Variants in PKD1L1 observed in about 807,000 individuals in gnomAD.
The protein encoded by PKD1L1 is polycystin 1 like 1, transient receptor potential channel interacting.
PKD1L1 carries 236 observed loss-of-function variants against 323.4 expected under a neutral mutation model. That is an observed-to-expected ratio of 0.73 (90% CI 0.66 to 0.81). The LOEUF (loss-of-function observed/expected upper bound fraction) is 0.81, where lower values mean the gene tolerates loss of function less well. PKD1L1 is among the 40% of genes least tolerant of loss of function. PKD1L1 has a pLI of 0.00. For synonymous variants in PKD1L1, 1,344 were observed against 1,335.0 expected (o/e 1.01, Z -0.15); for missense variants, 3,320 against 3,508.0 (o/e 0.95, Z 1.35).
chr7:47,956,591 A>C, the PKD1L1 span, among the ~76,000 whole-genome samples: 2 of 152,236 alleles, frequency 1.3e-5, no homozygotes, highest in African/African-American at 2.4e-5. Context: ...AGACAAAGCC[A>C]GATTGCAAAG....
intron 7 of PKD1L1, among the ~76,000 whole-genome samples, chr7:47,925,172 G>T (rs1254567460): frequency 2.0e-5 from 3 of 151,992 alleles, no homozygotes; most frequent in Non-Finnish European, 2.9e-5. Flanking sequence ...ATACAATAGT[G>T]CAAAAAATAA....
intron 46 of PKD1L1, among the ~76,000 whole-genome samples, chr7:47,820,070 GC>G (rs936075442): frequency 6.6e-6 from 1 of 152,148 alleles, no homozygotes; most frequent in Non-Finnish European, 1.5e-5. Context: ...TTCATATCAT[GC>G]ACTTTATAAT....
intron 45 of PKD1L1, among the ~76,000 whole-genome samples, chr7:47,821,921 T>G (rs960401175): frequency 1.3e-5 from 2 of 152,002 alleles, no homozygotes; most frequent in Non-Finnish European, 2.9e-5. Context: ...ACTCTTGATA[T>G]CAGGTGATCC....
intron 7 of PKD1L1, among the ~76,000 whole-genome samples, chr7:47,918,112 G>A (rs1246131154): frequency 3.3e-5 from 5 of 151,990 alleles, no homozygotes; most frequent in African/African-American, 7.2e-5. Context: ...ATAAGGACTC[G>A]CACAGACTTA....
chr7:47,813,807 C>A, intron 48 of PKD1L1, 124 bp downstream of exon 48: 1 of 828,250 alleles, frequency 1.2e-6, no homozygotes, highest in Non-Finnish European at 2.0e-6. Context: ...CCGGCACTGA[C>A]AATTCCAATT....
chr7:47,955,836 T>C, the PKD1L1 span, among the ~76,000 whole-genome samples: 4 of 152,226 alleles, frequency 2.6e-5, no homozygotes, highest in African/African-American at 7.2e-5. Flanking sequence ...ACTGTCCCAA[T>C]GGGGCTAATT....
intron 9 of PKD1L1, among the ~76,000 whole-genome samples, chr7:47,906,749 G>T (rs1787214512): frequency 6.6e-6 from 1 of 152,038 alleles, no homozygotes; most frequent in Non-Finnish European, 1.5e-5. Flanking sequence ...AAAGCAGAAT[G>T]GGTATTCTGT....
At position 47,948,388 on chromosome 7, in the gene PKD1L1, A is replaced by C. The variant is rs142601530; in HGVS notation, c.44+9T>G. ...CTTACCAAACCCTCTGAGAACAGTG[A>C]TAACTCACCTTTCCTGGTCATCAGA... On this transcript the variant is annotated intron_variant, in intron 1 of 56. Transcript: ENST00000289672. The C allele has an allele frequency of 1.4e-3, 2,282 of 1,614,126 alleles. 36 individuals carry two copies. The African/African-American group carries it at 0.026, about 18-fold the overall frequency.
At chr7:47,842,263 A>G (rs1785577659) in intron 34 of PKD1L1, among the ~76,000 whole-genome samples, 1 of 152,304 alleles carries the variant, frequency 6.6e-6, no homozygotes, top group South Asian at 2.1e-4. Flanking sequence ...AGCTTTAAAA[A>G]TGTGTTGTGT....
the PKD1L1 span, among the ~76,000 whole-genome samples, chr7:47,959,550 C>T: frequency 4.1e-5 from 6 of 146,818 alleles, no homozygotes; most frequent in South Asian, 4.4e-4. Flanking sequence ...TCTGCCCAGC[C>T]GCCCCGTCTG....
intron 53 of PKD1L1, among the ~76,000 whole-genome samples, 184 bp from the exon 54 acceptor site, chr7:47,801,063 C>T (rs1189681065): frequency 6.6e-6 from 1 of 152,062 alleles, no homozygotes. Flanking sequence ...ATCTCCCAGG[C>T]CTCCCTCCTC....
chr7:47,960,179 G>C, the PKD1L1 span, among the ~76,000 whole-genome samples: 17 of 149,128 alleles, frequency 1.1e-4, no homozygotes, highest in African/African-American at 2.7e-4. Flanking sequence ...CAGCATGCTC[G>C]TTAAGAGTCA....
At chr7:47,943,164 ATATAT>A (rs147428159) in intron 2 of PKD1L1, among the ~76,000 whole-genome samples, 1,743 of 25,594 alleles carry the variant, frequency 0.068, 26 homozygotes, top group Middle Eastern at 0.16. Flanking sequence ...AAAAAAAAAA[ATATAT>A]ATATATATAT....
At chr7:47,895,057 A>G (rs1324549416) in intron 14 of PKD1L1, among the ~76,000 whole-genome samples, 3 of 152,140 alleles carry the variant, frequency 2.0e-5, no homozygotes, top group Admixed American at 6.5e-5. Context: ...CTGTTTGCTC[A>G]GCCTCTCCAG....
chr7:47,855,055 A>C lies in PKD1L1; in HGVS notation c.4702-16T>G, dbSNP rs749477605. 3.7e-6 allele frequency: 6 copies of C among 1,608,818 alleles called. No individual in the cohort carries two copies. The highest frequency in any genetic ancestry group is 4.2e-6 in the Non-Finnish European group (5 of 1,177,310). On this transcript the variant is annotated splice_polypyrimidine_tract_variant and intron_variant, in intron 29 of 56. Coordinates refer to ENST00000289672, the MANE Select transcript of PKD1L1 (RefSeq NM_138295.5). The stretch of plus-strand genomic sequence containing the variant: ...TCCTATTATCCTGTCATCACAAAGA[A>C]AACAAGTTAAGCAAAATTTGCCTTT...
At chr7:47,861,880 CAAAAAAAAAAAAA>C (rs60918464) in intron 26 of PKD1L1, among the ~76,000 whole-genome samples, 3 of 43,900 alleles carry the variant, frequency 6.8e-5, no homozygotes, top group Admixed American at 4.2e-4. Context: ...GACTCTGTCT[CAAAAAAAAAAAAA>C]AAAAAAAAAA....
intron 24 of PKD1L1, among the ~76,000 whole-genome samples, chr7:47,869,977 T>A (rs1408008037): frequency 6.6e-6 from 1 of 151,978 alleles, no homozygotes; most frequent in African/African-American, 2.4e-5. Flanking sequence ...AAAAACATAC[T>A]CCTAAATATT....
intron 31 of PKD1L1, among the ~76,000 whole-genome samples, chr7:47,849,662 A>G (rs963798045): frequency 2.0e-5 from 3 of 151,450 alleles, no homozygotes; most frequent in Non-Finnish European, 4.4e-5. Context: ...AAAAATGGCC[A>G]TAATTTTTAA....
intron 46 of PKD1L1, chr7:47,818,055 T>C (rs1170653444): frequency 1.5e-6 from 2 of 1,367,854 alleles, no homozygotes; most frequent in African/African-American, 1.5e-5. Flanking sequence ...TTCTTAACTC[T>C]GGACTTCTCT....
Sources: allele counts gnomAD v4.1 joint callset (sites outside exome capture counted in the v4.1 genomes callset), GRCh38; gene constraint gnomAD v4.1.1; transcripts MANE v1.5; gene names NCBI Gene and HGNC (gene_info 2026-07-23, HGNC 2026-07-21).